The following KLHL12 variants were observed in gnomAD, a reference collection of about 807,000 sequenced individuals.
KLHL12 encodes kelch like family member 12.
In KLHL12, 17 loss-of-function variants were observed where a neutral mutation model predicts 60.8. The ratio of observed to expected loss-of-function variants is 0.28; its 90% CI spans 0.19 to 0.42. KLHL12 has a LOEUF of 0.42. KLHL12 is among the 10% of genes least tolerant of loss of function. The probability of loss-of-function intolerance (pLI) is 1.00; values close to 1 mark genes in which losing one functional copy is unlikely to be tolerated. For missense variants in KLHL12, 468 were observed against 722.3 expected (o/e 0.65, Z 4.04); for synonymous variants, 220 against 250.9 (o/e 0.88, Z 1.16).
At chr1:202,905,968 C>CTTTTTTTTTTTTTTTTTTTTTTT (rs71142574) in intron 6 of KLHL12, among the ~76,000 whole-genome samples, 1 of 51,672 alleles carries the variant, frequency 1.9e-5, no homozygotes, top group African/African-American at 7.4e-5. Flanking sequence ...CCACACCTGG[C>CTTTTTTTTTTTTTTTTTTTTTTT]TTTTTTTTTT....
rs559597037 is a variant in KLHL12 at position 202,924,575 on chromosome 1, C to T, written c.195+393G>A. ...AGGAGTTCAAGACCAGCGTGGGCAA[C>T]ATAGTGAGACCCTGTCTCTACAAAT... On this transcript the variant is annotated intron_variant, in intron 2 of 11. Coordinates refer to ENST00000367261, the MANE Select transcript of KLHL12 (RefSeq NM_021633.4). Among the ~76,000 whole-genome samples the T allele has an allele frequency of 2.6e-5, 4 of 152,148 alleles. 1 individual carries two copies. Among genetic ancestry groups the T allele is most frequent in the African/African-American group, 9.6e-5 (4 of 41,508 alleles).
chr1:202,892,519 T>C lies in KLHL12; in HGVS notation c.*14A>G. 1.2e-6 allele frequency: 2 copies of C among 1,612,742 alleles called. No homozygotes were observed. The highest frequency in any genetic ancestry group is 1.7e-6 in the Non-Finnish European group (2 of 1,179,612). On this transcript the variant is annotated 3_prime_UTR_variant, in exon 12 of 12. Transcript: ENST00000367261. Reference sequence around the variant, plus strand: ...TGGACTGGTCACTAGCTCTGGATGGTGCTCCAACAATGGTCACTTCTCGCG... The same window carrying C: ...TGGACTGGTCACTAGCTCTGGATGGCGCTCCAACAATGGTCACTTCTCGCG...
chr1:202,921,599 C>G (rs1458758376), intron 2 of KLHL12, among the ~76,000 whole-genome samples: 1 of 152,176 alleles, frequency 6.6e-6, no homozygotes, highest in Non-Finnish European at 1.5e-5. Flanking sequence ...GTTAGACTAA[C>G]TGAATTGTTA....
In KLHL12 at chr1:202,919,807, T is replaced by C. The variant is rs757999772; in HGVS notation, c.297A>G (p.Thr99=). 7 of 1,613,722 alleles carry C rather than the reference T, an allele frequency of 4.3e-6. No homozygotes were observed. In the African/African-American group the frequency reaches 9.3e-5, roughly 22 times the overall value. Residue 99 remains threonine, a synonymous_variant, in exon 3 of 12, where the codon ACA becomes ACG. Transcript: ENST00000367261. ...GAAGCAGTTCTTGTACATTCTCCAC[T>C]GTCACATGTACTGTTTCTGTGTACA... is the stretch of plus-strand genomic sequence containing the variant. ...DFVYTETVHV[T]VENVQELLPA...
rs766492426 is a variant in KLHL12, at chr1:202,893,291, G to A, written c.1528C>T (p.Arg510Ter). The change falls in exon 11 of 12, where the codon CGA (arginine) becomes TGA (stop). Residue 510 changes from arginine (R) to a stop codon, truncating the protein, a stop_gained. Transcript: ENST00000367261. LOFTEE classifies it high-confidence loss of function. The surrounding 1 kb of genome is among the most constrained non-coding windows in gnomAD (Gnocchi z 4.1). ...WTTVTSMTTP[R>*]CYVGATVLRG... The stretch of plus-strand genomic sequence containing the variant: ...AGCACTGTGGCCCCTACATAGCATC[G>A]TGGAGTGGTCATACTGGTGACAGTT... 3 of 1,612,986 alleles carry A rather than the reference G, an allele frequency of 1.9e-6. No individual in the cohort carries two copies. Among genetic ancestry groups the A allele is most frequent in the Non-Finnish European group, 1.7e-6 (2 of 1,179,836 alleles).
chr1:202,903,729 TCTC>T (rs926453662), intron 6 of KLHL12, among the ~76,000 whole-genome samples: 19 of 148,644 alleles, frequency 1.3e-4, no homozygotes, highest in African/African-American at 4.7e-4. Context: ...CTAAAATGAT[TCTC>T]CTGCCTCAAC....
intron 6 of KLHL12, among the ~76,000 whole-genome samples, chr1:202,906,185 G>A (rs1660180998): frequency 6.8e-6 from 1 of 146,346 alleles, no homozygotes; most frequent in South Asian, 2.2e-4. Context: ...AGGCGCGGTG[G>A]CTCATGCCCG....
intron 11 of KLHL12, among the ~76,000 whole-genome samples, 190 bp from the exon 12 acceptor site, chr1:202,892,849 C>A (rs563915705): frequency 6.6e-6 from 1 of 152,198 alleles, no homozygotes; most frequent in African/African-American, 2.4e-5. Context: ...AGAAATTAGC[C>A]TTCTATTCCT....
chr1:202,926,771 G>A (rs1184079966), intron 1 of KLHL12, among the ~76,000 whole-genome samples: 3 of 152,172 alleles, frequency 2.0e-5, no homozygotes, highest in Non-Finnish European at 4.4e-5. Context: ...ATTCCACTTC[G>A]GGAGATTCGG....
At chr1:202,912,467 G>C (rs768414361) in intron 4 of KLHL12, 2 of 874,006 alleles carry the variant, frequency 2.3e-6, no homozygotes, top group Non-Finnish European at 3.8e-6. Flanking sequence ...CCGTGGTGGT[G>C]GTGGTGGATA....
At chr1:202,926,377 G>A (rs1195580535) in intron 1 of KLHL12, among the ~76,000 whole-genome samples, 4 of 152,186 alleles carry the variant, frequency 2.6e-5, no homozygotes, top group African/African-American at 4.8e-5. Context: ...CAGGAAAAAT[G>A]AGATCCTAAA....
intron 4 of KLHL12, among the ~76,000 whole-genome samples, chr1:202,915,473 T>C (rs1373893221): frequency 3.3e-5 from 5 of 151,406 alleles, no homozygotes; most frequent in African/African-American, 1.2e-4. Context: ...GACACACACT[T>C]AAAAAAAAAC....
chr1:202,924,439 C>T (rs148859334), intron 2 of KLHL12, among the ~76,000 whole-genome samples: 201 of 152,264 alleles, frequency 1.3e-3, no homozygotes, highest in African/African-American at 4.4e-3. Context: ...CTGGTATTCA[C>T]TTAAAAATTT....
Position 202,918,388 on chromosome 1 carries a change from C to T in KLHL12, c.350G>A (p.Gly117Asp). Residue 117 changes from glycine (G) to aspartate (D), a missense_variant and splice_region_variant, in exon 4 of 12, where the codon GGT becomes GAT. Transcript: ENST00000367261. ...GAACTCACAGCAGGCTTGTTTCACA[C>T]CTAGGACAGACACAGGCAGCAAACA... ...LPAACLLQLK[G>D]VKQACCEFLE... is the part of the protein sequence containing the mutation. 2 of 1,612,780 alleles carry T rather than the reference C, an allele frequency of 1.2e-6. No individual in the cohort carries two copies. Among genetic ancestry groups the T allele is most frequent in the Non-Finnish European group, 1.7e-6 (2 of 1,178,748 alleles).
At chr1:202,903,550 C>T (rs1240540253) in intron 6 of KLHL12, among the ~76,000 whole-genome samples, 2 of 147,732 alleles carry the variant, frequency 1.4e-5, no homozygotes, top group Non-Finnish European at 3.0e-5. Context: ...GCCTCAGCCT[C>T]GACCTCCTGG....
Position 202,918,234 on chromosome 1 carries a change from A to C in KLHL12, c.504T>G (p.His168Gln), listed in dbSNP as rs764324337. 7 of 1,614,078 alleles carry C rather than the reference A, an allele frequency of 4.3e-6. No homozygotes were observed. In the East Asian group the frequency reaches 1.3e-4, roughly 31 times the overall value. The change falls in exon 4 of 12, where the codon CAT becomes CAG. Residue 168 changes from histidine (H) to glutamine (Q), a missense_variant. Around this residue, in one of 4 missense-constraint regions of KLHL12, gnomAD observed 339 missense variants for 525.0 expected, o/e 0.65. Transcript: ENST00000367261. ...SQKHFPEVVQ[H>Q]EEFILLSQGE... is the part of the protein sequence containing the mutation. ...CTTGACTCAGAAGAATGAACTCTTC[A>C]TGCTGTACCACTTCAGGAAAATGCT... is the stretch of plus-strand genomic sequence containing the variant.
intron 2 of KLHL12, among the ~76,000 whole-genome samples, chr1:202,922,461 AG>A (rs1247275546): frequency 6.6e-6 from 1 of 150,918 alleles, no homozygotes; most frequent in Non-Finnish European, 1.5e-5. Flanking sequence ...AGAGCGATAA[AG>A]GGTCTAAAGA....
rs760062306 is a variant in KLHL12 at position 202,909,042 on chromosome 1, T to G, written c.800A>C (p.Gln267Pro). The change falls in exon 6 of 12, where the codon CAG becomes CCG. Residue 267 changes from glutamine (Q) to proline (P), a missense_variant. Transcript: ENST00000367261. The surrounding 1 kb of genome is among the most constrained non-coding windows in gnomAD (Gnocchi z 4.1). ...KFHLRPELRS[Q>P]MQGPRTRARL... ...AGCCCTTGTCCTGGGTCCCTGCATC[T>G]GACTCCGAAGTTCAGGCCTCAGATG... 3 of 1,614,056 alleles carry G rather than the reference T, an allele frequency of 1.9e-6. No individual in the cohort carries two copies. The Admixed American group carries it at 5.0e-5, about 27-fold the overall frequency.
chr1:202,920,937 C>T (rs114950497), intron 2 of KLHL12, among the ~76,000 whole-genome samples: 1,669 of 152,190 alleles, frequency 0.011, 31 homozygotes, highest in African/African-American at 0.038. Flanking sequence ...ATTTCATGTT[C>T]GTAGAGGAGC....
Sources: gnomAD v4.1 joint callset for allele counts (sites outside exome capture counted in the v4.1 genomes callset) on GRCh38, gnomAD v4.1.1 for gene constraint, gnomAD v4.1.1 regional missense constraint, Gnocchi (gnomAD v3.1) non-coding constraint, MANE v1.5 for transcripts, NCBI Gene and HGNC (gene_info 2026-07-23, HGNC 2026-07-21) for gene names.